Variants in EIF3H observed in about 807,000 individuals in gnomAD.
EIF3H encodes the protein eukaryotic translation initiation factor 3 subunit H.
Under a neutral mutation model 44.2 loss-of-function variants are expected in EIF3H, and 26 were observed. That is an observed-to-expected ratio of 0.59 (90% CI 0.43 to 0.82). The LOEUF (loss-of-function observed/expected upper bound fraction) is 0.82, where lower values mean the gene tolerates loss of function less well. Among genes scored for constraint, EIF3H ranks in the 40% least tolerant of loss-of-function variants. The pLI is 0.00. For synonymous variants in EIF3H, 166 were observed against 151.9 expected, an observed-to-expected ratio of 1.09 and a Z score of -0.68; for missense variants, 359 against 432.8, an observed-to-expected ratio of 0.83 and a Z score of 1.51.
intron 1 of EIF3H, among the ~76,000 whole-genome samples, chr8:116,741,455 A>G (rs201376964): frequency 7.2e-5 from 11 of 152,368 alleles, no homozygotes; most frequent in South Asian, 6.2e-4. Context: ...TATTCTGTAT[A>G]CATATGTGTG....
chr8:116,644,885 T>C lies in EIF3H; in HGVS notation c.*121A>G. ...TAGAAAGACACTGTTATAGCCAAAA[T>C]CGGCAATGACACTAAAGAAATCCTC... On this transcript the variant is annotated 3_prime_UTR_variant, in exon 8 of 8. Coordinates refer to ENST00000521861, the MANE Select transcript of EIF3H (RefSeq NM_003756.3). 1.4e-6 allele frequency: 1 copy of C among 712,524 alleles called. No individual in the cohort carries two copies. Among genetic ancestry groups the C allele is most frequent in the Non-Finnish European group, 2.3e-6 (1 of 429,902 alleles). 44.1% of individuals were successfully genotyped at this position (712,524 alleles called of 1,614,324 possible).
At chr8:116,694,577 T>C (rs1586460411) in intron 2 of EIF3H, among the ~76,000 whole-genome samples, 2 of 152,350 alleles carry the variant, frequency 1.3e-5, no homozygotes, top group East Asian at 1.9e-4. Context: ...TTACTTTTAT[T>C]TGTTTTAGGT....
At chr8:116,722,500 A>G (rs1814766750) in intron 2 of EIF3H, among the ~76,000 whole-genome samples, 1 of 152,206 alleles carries the variant, frequency 6.6e-6, no homozygotes, top group South Asian at 2.1e-4. Context: ...CCCCTTCCAG[A>G]CGTAACTATT....
At chr8:116,728,129 G>A (rs994885338) in intron 1 of EIF3H, among the ~76,000 whole-genome samples, 2 of 151,958 alleles carry the variant, frequency 1.3e-5, no homozygotes, top group Admixed American at 6.6e-5. Context: ...TCATCAACAC[G>A]ACCAATAAAC....
In EIF3H at chr8:116,655,848, C is replaced by T. The variant is rs565608381; in HGVS notation, c.707+8G>A. On this transcript the variant is annotated splice_region_variant and intron_variant, in intron 5 of 7. Coordinates refer to ENST00000521861, the MANE Select transcript of EIF3H (RefSeq NM_003756.3). Reference sequence around the variant, plus strand: ...AACATGGGCTTTTCATTAGGCAGGGCCACTTACCTGCTGGCAAGGCTGAGC... The same window carrying T: ...AACATGGGCTTTTCATTAGGCAGGGTCACTTACCTGCTGGCAAGGCTGAGC... 1.9e-6 allele frequency: 3 copies of T among 1,613,346 alleles called. No individual in the cohort carries two copies. The South Asian group carries it at 3.3e-5, about 18-fold the overall frequency.
At chr8:116,715,255 G>A (rs1395639830) in intron 2 of EIF3H, among the ~76,000 whole-genome samples, 2 of 151,192 alleles carry the variant, frequency 1.3e-5, no homozygotes, top group African/African-American at 2.4e-5. Flanking sequence ...GTTAACAGTC[G>A]ACACTAGTAT....
intron 2 of EIF3H, among the ~76,000 whole-genome samples, chr8:116,709,070 C>T (rs188701702): frequency 6.6e-6 from 1 of 151,816 alleles, no homozygotes. Flanking sequence ...GAAACCTTAG[C>T]AATTTAAATA....
chr8:116,658,912 A>G lies in EIF3H; in HGVS notation c.358T>C (p.Tyr120His). The change falls in exon 3 of 8, where the codon TAT (tyrosine) becomes CAT (histidine). Residue 120 changes from tyrosine to histidine, a missense_variant. Physicochemically the swap from Tyr to His is moderately conservative, Grantham distance 83 (BLOSUM62 2). Around this residue, in one of 5 missense-constraint regions of EIF3H, gnomAD observed 91 missense variants for 164.6 expected, o/e 0.55. Coordinates refer to ENST00000521861, the MANE Select transcript of EIF3H (RefSeq NM_003756.3). ...VNIDHLHVGW[Y>H]QSTYYGSFVT... ...AATGAGCCATAGTATGTGGACTGAT[A>G]CCAGCCCACGTGAAGATGATCAATG... The G allele has an allele frequency of 6.2e-7, 1 of 1,613,808 alleles. No homozygotes were observed.
upstream of EIF3H, among the ~76,000 whole-genome samples, chr8:116,756,952 T>G (rs371188476): frequency 8.5e-5 from 13 of 152,266 alleles, no homozygotes; most frequent in African/African-American, 3.1e-4. Context: ...GACTGGAGGT[T>G]TTTGCCTACC....
chr8:116,712,880 C>G (rs919456764), intron 2 of EIF3H, among the ~76,000 whole-genome samples: 1 of 151,948 alleles, frequency 6.6e-6, no homozygotes, highest in Non-Finnish European at 1.5e-5. Context: ...GTAAAACATA[C>G]TTTAGGTAAT....
intron 2 of EIF3H, among the ~76,000 whole-genome samples, chr8:116,708,498 T>C (rs1814510319): frequency 6.6e-6 from 1 of 152,030 alleles, no homozygotes; most frequent in Non-Finnish European, 1.5e-5. Context: ...AGTGCTGATA[T>C]TGATGACTAT....
At position 116,710,636 on chromosome 8, in the gene EIF3H, C is replaced by T. The variant is rs184309063; in HGVS notation, c.289+15380G>A. Reference sequence around the variant, plus strand: ...CAAGAAGCAGCCTTTTAAGTAAATACAATATGTCTACAAGTCACAACTGCA... The same window carrying T: ...CAAGAAGCAGCCTTTTAAGTAAATATAATATGTCTACAAGTCACAACTGCA... On this transcript the variant is annotated intron_variant, in intron 2 of 7. Transcript: ENST00000521861. Among the ~76,000 whole-genome samples the T allele has an allele frequency of 1.3e-4, 20 of 152,282 alleles. No homozygotes were observed. In the East Asian group the frequency reaches 3.7e-3, roughly 28 times the overall value.
rs1313139597 is a variant in EIF3H at position 116,726,112 on chromosome 8, C to A, written c.193G>T (p.Gly65Ter). ...TCTACAACCAGACCCAAAAGCACTCCTTGAACAACTTCAGTTCCTTGTCCT... is the reference window on the plus strand; with the variant it reads ...TCTACAACCAGACCCAAAAGCACTCATTGAACAACTTCAGTTCCTTGTCCT... ...EEGQGTEVVQ[G>*]VLLGLVVEDR... Residue 65 changes from glycine to a stop codon, truncating the protein, a stop_gained, in exon 2 of 8, where the codon GGA (glycine) becomes TGA (stop). Coordinates refer to ENST00000521861, the MANE Select transcript of EIF3H (RefSeq NM_003756.3). LOFTEE classifies it high-confidence loss of function. 1 of 1,614,060 alleles carries A rather than the reference C, an allele frequency of 6.2e-7. No homozygotes were observed.
intron 7 of EIF3H, among the ~76,000 whole-genome samples, chr8:116,646,155 C>A (rs537893743): frequency 1.1e-4 from 16 of 152,276 alleles, no homozygotes; most frequent in Admixed American, 9.8e-4. Flanking sequence ...GAGGCCTGAG[C>A]TAAGTGGTCT....
upstream of EIF3H, among the ~76,000 whole-genome samples, chr8:116,757,833 C>T (rs188319452): frequency 3.3e-5 from 5 of 151,630 alleles, no homozygotes; most frequent in Admixed American, 2.0e-4. Context: ...GCGATTCTCT[C>T]GCCTCAGCCT....
intron 2 of EIF3H, among the ~76,000 whole-genome samples, chr8:116,682,250 T>C (rs1046148512): frequency 6.6e-6 from 1 of 152,206 alleles, no homozygotes; most frequent in Non-Finnish European, 1.5e-5. Flanking sequence ...CACTGGTAAA[T>C]GGAAGCTTGG....
chr8:116,684,087 A>G (rs1468303981), intron 2 of EIF3H, among the ~76,000 whole-genome samples: 3 of 152,262 alleles, frequency 2.0e-5, no homozygotes, highest in African/African-American at 7.2e-5. Flanking sequence ...GAAAAATAAG[A>G]TATGTCACTA....
chr8:116,712,743 G>A (rs994439894), intron 2 of EIF3H, among the ~76,000 whole-genome samples: 1 of 152,086 alleles, frequency 6.6e-6, no homozygotes, highest in Admixed American at 6.6e-5. Flanking sequence ...GAAGAGAGAT[G>A]AATATAAAGC....
chr8:116,729,732 G>A (rs1424051429), intron 1 of EIF3H, among the ~76,000 whole-genome samples: 2 of 152,164 alleles, frequency 1.3e-5, no homozygotes, highest in Non-Finnish European at 2.9e-5. Flanking sequence ...ATCCTGTGAT[G>A]AGAACCAGTA....
Sources: allele counts gnomAD v4.1 joint callset (sites outside exome capture counted in the v4.1 genomes callset), GRCh38; gene constraint gnomAD v4.1.1; regional missense constraint gnomAD v4.1.1; transcripts MANE v1.5; gene names NCBI Gene and HGNC (gene_info 2026-07-23, HGNC 2026-07-21).